CARMIL1: variants seen among roughly 807,000 people sequenced by gnomAD.
The protein encoded by CARMIL1 is capping protein regulator and myosin 1 linker 1.
CARMIL1 carries 90 observed loss-of-function variants against 177.1 expected under a neutral mutation model. The observed-to-expected ratio is 0.51, with a 90% CI of 0.43 to 0.61. The LOEUF (loss-of-function observed/expected upper bound fraction) is 0.61, where lower values mean the gene tolerates loss of function less well. Among genes scored for constraint, CARMIL1 ranks in the 20% least tolerant of loss-of-function variants. The pLI is 0.00. For synonymous variants in CARMIL1, 577 were observed against 606.2 expected (o/e 0.95, Z 0.71); for missense variants, 1,380 against 1,667.0 (o/e 0.83, Z 3.00).
chr6:25,432,319 A>AT (rs1170837915), intron 4 of CARMIL1, among the ~76,000 whole-genome samples: 1 of 151,984 alleles, frequency 6.6e-6, no homozygotes, highest in Non-Finnish European at 1.5e-5. Context: ...TCTGGGATTT[A>AT]TTTTTTTCTC....
At chr6:25,589,031 G>A (rs1814052748) in intron 31 of CARMIL1, among the ~76,000 whole-genome samples, 1 of 152,148 alleles carries the variant, frequency 6.6e-6, no homozygotes. Context: ...TGGGTAATAG[G>A]TTTTCTCCTG....
At chr6:25,546,479 C>A (rs868786674) in intron 26 of CARMIL1, among the ~76,000 whole-genome samples, 2 of 151,862 alleles carry the variant, frequency 1.3e-5, no homozygotes, top group Admixed American at 6.6e-5. Flanking sequence ...GCTGGAAGAT[C>A]TTTTGAGCCA....
At chr6:25,560,421 T>G (rs950448892) in intron 29 of CARMIL1, among the ~76,000 whole-genome samples, 7 of 152,136 alleles carry the variant, frequency 4.6e-5, no homozygotes, top group African/African-American at 1.7e-4. Flanking sequence ...TGACATCTCC[T>G]TAACTGCAGG....
In CARMIL1 at chr6:25,488,555, A is replaced by G; in HGVS notation, c.1035A>G (p.Ser345=). The G allele has an allele frequency of 6.2e-7, 1 of 1,613,920 alleles. No homozygotes were observed. Residue 345 remains serine, a synonymous_variant, in exon 13 of 37, where the codon TCA becomes TCG. Coordinates refer to ENST00000329474, the MANE Select transcript of CARMIL1 (RefSeq NM_017640.6). ...CTACCCTTGTCCACCTCGACCTCTC[A>G]GGGAACGTCCTTCGTGGAGATGACC... ...TASTLVHLDL[S]GNVLRGDDLS... is the part of the protein sequence containing the mutation.
intron 36 of CARMIL1, among the ~76,000 whole-genome samples, chr6:25,616,111 C>T (rs538359435): frequency 6.8e-4 from 104 of 152,238 alleles, no homozygotes; most frequent in Middle Eastern, 3.4e-3. Flanking sequence ...AATAGACACA[C>T]GCATAGAGAT....
At chr6:25,410,280 C>A (rs1794791035) in intron 2 of CARMIL1, among the ~76,000 whole-genome samples, 1 of 152,166 alleles carries the variant, frequency 6.6e-6, no homozygotes, top group African/African-American at 2.4e-5. Flanking sequence ...GAAACACAGA[C>A]AAGTTGAAAT....
chr6:25,297,571 C>T (rs1417969831), intron 2 of CARMIL1, among the ~76,000 whole-genome samples: 1 of 152,212 alleles, frequency 6.6e-6, no homozygotes, highest in African/African-American at 2.4e-5. Flanking sequence ...CCAATCTTTC[C>T]TGTCCAGGGT....
intron 15 of CARMIL1, 134 bp from the exon 16 acceptor site, chr6:25,494,977 A>T (rs1803560526): frequency 3.4e-6 from 2 of 590,006 alleles, no homozygotes; most frequent in African/African-American, 3.8e-5. Context: ...GGTTTTGGAC[A>T]TTTATTTGTT....
At chr6:25,510,100 C>T (rs2151046919) in intron 18 of CARMIL1, among the ~76,000 whole-genome samples, 1 of 152,246 alleles carries the variant, frequency 6.6e-6, no homozygotes, top group Non-Finnish European at 1.5e-5. Flanking sequence ...TTCATTTCTG[C>T]TGATTGTAGT....
At chr6:25,434,396 A>T (rs116037979) in intron 4 of CARMIL1, among the ~76,000 whole-genome samples, 266 of 152,254 alleles carry the variant, frequency 1.7e-3, no homozygotes, top group African/African-American at 6.3e-3. Context: ...CATGTTTTGG[A>T]CATCTCCAGC....
chr6:25,445,595 C>G (rs553497664), intron 5 of CARMIL1, among the ~76,000 whole-genome samples: 2 of 147,098 alleles, frequency 1.4e-5, no homozygotes, highest in Non-Finnish European at 3.0e-5. Context: ...AGTGCAGTGG[C>G]GTGATCTCGG....
intron 11 of CARMIL1, among the ~76,000 whole-genome samples, chr6:25,476,588 TG>T (rs1363757648): frequency 6.6e-6 from 1 of 152,222 alleles, no homozygotes; most frequent in African/African-American, 2.4e-5. Context: ...TGCTCATGGA[TG>T]GAAATTCCAC....
chr6:25,361,895 G>GT (rs1384463213), intron 2 of CARMIL1, among the ~76,000 whole-genome samples: 1 of 151,774 alleles, frequency 6.6e-6, no homozygotes, highest in Non-Finnish European at 1.5e-5. Context: ...AGACTCTTGA[G>GT]TTTGAACTTT....
chr6:25,450,883 TTTTTC>T lies in CARMIL1; in HGVS notation c.614+187_614+191del, dbSNP rs1177352527. ...CCTTCCCTTCCCTTCTCTTTTCTCT[TTTTTC>T]TTTTCTTTTCTTTTTTCTTTTCCTT... is the stretch of plus-strand genomic sequence containing the variant. On this transcript the variant is annotated intron_variant, in intron 8 of 36. Transcript: ENST00000329474. 2.5e-4 allele frequency among the ~76,000 whole-genome samples: 33 copies of T among 129,880 alleles called. 1 individual carries two copies. The highest frequency in any genetic ancestry group is 1.1e-4 in the Non-Finnish European group (7 of 61,038). 85.2% of individuals were successfully genotyped at this position (129,880 alleles called of 152,430 possible).
At chr6:25,332,757 ACACACACACACACACGCG>A (rs1413263122) in intron 2 of CARMIL1, among the ~76,000 whole-genome samples, 37 of 139,794 alleles carry the variant, frequency 2.6e-4, no homozygotes, top group African/African-American at 1.0e-3. Flanking sequence ...ACACACACAC[ACACACACACACACACGCG>A]CACACACACA....
chr6:25,467,201 T>G (rs575762783), intron 9 of CARMIL1, among the ~76,000 whole-genome samples: 3 of 152,318 alleles, frequency 2.0e-5, no homozygotes, highest in African/African-American at 7.2e-5. Context: ...AGAGTTGGCA[T>G]GAGTTGGATC....
At chr6:25,537,108 A>G (rs1808377822) in intron 24 of CARMIL1, among the ~76,000 whole-genome samples, 1 of 152,192 alleles carries the variant, frequency 6.6e-6, no homozygotes. Flanking sequence ...TGTCTACCAT[A>G]GAGATCCACC....
At chr6:25,495,594 C>A (rs1004359187) in intron 16 of CARMIL1, among the ~76,000 whole-genome samples, 2 of 150,448 alleles carry the variant, frequency 1.3e-5, no homozygotes, top group Non-Finnish European at 3.0e-5. Flanking sequence ...AGCATTTACT[C>A]TAAATCTTTC....
At chr6:25,548,186 T>A (rs1182703131) in intron 26 of CARMIL1, among the ~76,000 whole-genome samples, 1 of 152,204 alleles carries the variant, frequency 6.6e-6, no homozygotes, top group East Asian at 1.9e-4. Context: ...TGCTAAAGAA[T>A]AATAATTTTG....
Sources: allele counts gnomAD v4.1 joint callset (sites outside exome capture counted in the v4.1 genomes callset), GRCh38; gene constraint gnomAD v4.1.1; transcripts MANE v1.5; gene names NCBI Gene and HGNC (gene_info 2026-07-23, HGNC 2026-07-21).